Variants in MDN1 observed in about 807,000 individuals in gnomAD.
MDN1 encodes midasin.
A neutral mutation model predicts 669.2 loss-of-function variants in MDN1; 266 were observed. The observed-to-expected ratio is 0.40, with a 90% CI of 0.36 to 0.44. MDN1 has a LOEUF of 0.44. MDN1 is among the 20% of genes least tolerant of loss of function. The pLI is 1.00. For missense variants in MDN1, 5,940 were observed against 6,754.0 expected, an observed-to-expected ratio of 0.88 and a Z score of 4.22; for synonymous variants, 2,385 against 2,457.1, an observed-to-expected ratio of 0.97 and a Z score of 0.87.
chr6:89,704,132 GCA>G (rs1475760553), intron 53 of MDN1, among the ~76,000 whole-genome samples: 2 of 152,006 alleles, frequency 1.3e-5, no homozygotes, highest in Non-Finnish European at 2.9e-5. Context: ...TGTAATCCCA[GCA>G]TTTACGGAGG....
At chr6:89,671,212 T>C (rs1366149183) in intron 82 of MDN1, 132 bp from the exon 83 acceptor site, 5 of 936,290 alleles carry the variant, frequency 5.3e-6, no homozygotes, top group African/African-American at 1.7e-5. Flanking sequence ...GCAAGTTACA[T>C]GTATGTGTTT....
chr6:89,647,110 G>C (rs1174652484), intron 99 of MDN1, among the ~76,000 whole-genome samples: 1 of 152,150 alleles, frequency 6.6e-6, no homozygotes, highest in Non-Finnish European at 1.5e-5. Context: ...TCAAGCACAG[G>C]TGAGACGTTT....
chr6:89,732,428 C>A, intron 34 of MDN1, 129 bp downstream of exon 34: 1 of 760,482 alleles, frequency 1.3e-6, no homozygotes, highest in Non-Finnish European at 2.1e-6. Flanking sequence ...AAAGGAAAGC[C>A]ATTCTGAGTT....
intron 12 of MDN1, among the ~76,000 whole-genome samples, chr6:89,776,396 G>A (rs1358650097): frequency 2.6e-5 from 4 of 152,202 alleles, no homozygotes; most frequent in Non-Finnish European, 4.4e-5. Flanking sequence ...AGGAGGCAGA[G>A]GTTGTGGTGA....
At chr6:89,783,278 G>C (rs72919922) in intron 9 of MDN1, among the ~76,000 whole-genome samples, 1 of 151,628 alleles carries the variant, frequency 6.6e-6, no homozygotes, top group Admixed American at 6.6e-5. Context: ...ATGCATTCCC[G>C]GGGGGGAGGT....
chr6:89,747,525 T>A (rs979479815), intron 26 of MDN1, 55 bp from the exon 27 acceptor site: 1 of 1,531,050 alleles, frequency 6.5e-7, no homozygotes, highest in Non-Finnish European at 8.9e-7. Context: ...GCATGGTAAG[T>A]TTTTAGTACA....
In MDN1 at chr6:89,751,564, C is replaced by G; in HGVS notation, c.3094G>C (p.Gly1032Arg). 3 of 1,614,064 alleles carry G rather than the reference C, an allele frequency of 1.9e-6. No individual in the cohort carries two copies. Among genetic ancestry groups the G allele is most frequent in the Non-Finnish European group, 2.5e-6 (3 of 1,180,006 alleles). The stretch of plus-strand genomic sequence containing the variant: ...CCTTCAACCTGGATAAGCCGACCTC[C>G]TTTTGGCTCTGGAATAGGCTGAAAG... ...LLKQPIPEPK[G>R]GRLIQVEGYW... Residue 1032 changes from glycine (G) to arginine (R), a missense_variant, in exon 23 of 102, where the codon GGA becomes CGA. By Grantham distance (125) the Gly-to-Arg change is moderately radical. Transcript: ENST00000369393.
intron 19 of MDN1, among the ~76,000 whole-genome samples, chr6:89,757,990 G>A (rs1478471489): frequency 6.6e-6 from 1 of 152,142 alleles, no homozygotes; most frequent in Non-Finnish European, 1.5e-5. Flanking sequence ...GGAGGTTGTG[G>A]TGAGCCAAAA....
In MDN1 at chr6:89,653,512, G is replaced by A. The variant is rs75171662; in HGVS notation, c.15662-357C>T. Among the ~76,000 whole-genome samples, 4 of 152,342 alleles carry A rather than the reference G, an allele frequency of 2.6e-5. No homozygotes were observed. The East Asian group carries it at 7.7e-4, about 29-fold the overall frequency. On this transcript the variant is annotated intron_variant, in intron 93 of 101. Transcript: ENST00000369393. ...AAAGCCACAATTCCATTTTACAGAA[G>A]AGGAAACAGGCAAAGAAAAGATCAA...
At chr6:89,793,504 G>C (rs1819391183) in intron 5 of MDN1, among the ~76,000 whole-genome samples, 1 of 152,182 alleles carries the variant, frequency 6.6e-6, no homozygotes, top group African/African-American at 2.4e-5. Flanking sequence ...CTTGAGTCCA[G>C]GAGTTCCAGA....
In MDN1 at chr6:89,695,901, T is replaced by G; in HGVS notation, c.9475A>C (p.Met3159Leu). The G allele has an allele frequency of 6.2e-7, 1 of 1,613,178 alleles. No individual in the cohort carries two copies. Among genetic ancestry groups the G allele is most frequent in the South Asian group, 1.1e-5 (1 of 91,068 alleles). Residue 3159 changes from methionine (M) to leucine (L), a missense_variant, in exon 61 of 102, where the codon ATG becomes CTG. Transcript: ENST00000369393. The surrounding 1 kb of genome is among the most constrained non-coding windows in gnomAD (Gnocchi z 4.1). ...AGCAGCAGCTGCTCACAGTTCTGCA[T>G]GTACTCCTGCCGCCGGGACTCTGGG... ...LLPESRRQEY[M>L]QNCEQLLLGS...
chr6:89,751,687 G>A, intron 22 of MDN1, 105 bp from the exon 23 acceptor site: 3 of 1,181,266 alleles, frequency 2.5e-6, no homozygotes, highest in East Asian at 4.9e-5. Context: ...GTCTTGTTCT[G>A]CATACTTTCA....
At chr6:89,712,334 T>C in intron 48 of MDN1, 78 bp from the exon 49 acceptor site, 2 of 1,327,172 alleles carry the variant, frequency 1.5e-6, no homozygotes, top group South Asian at 2.7e-5. Context: ...AGAAAACCTC[T>C]TTCACAAATA....
rs1808299505 is a variant in MDN1 at position 89,643,651 on chromosome 6, T to A, written c.*354A>T. On this transcript the variant is annotated 3_prime_UTR_variant, in exon 102 of 102. Coordinates refer to ENST00000369393, the MANE Select transcript of MDN1 (RefSeq NM_014611.3). ...AAGGACTGTCAGAGTCCCATGCTCC[T>A]GGCAGCATCTCCTCAAGGCACAGGT... 1 of 188,544 alleles carries A rather than the reference T, an allele frequency of 5.3e-6. No individual in the cohort carries two copies. The highest frequency in any genetic ancestry group is 2.4e-5 in the African/African-American group (1 of 42,402). The allele number at this position is 188,544 out of a possible 1,614,324, so 11.7% of individuals were successfully genotyped here.
intron 2 of MDN1, among the ~76,000 whole-genome samples, chr6:89,801,680 A>G (rs1767675198): frequency 6.6e-6 from 1 of 151,800 alleles, no homozygotes; most frequent in Admixed American, 6.6e-5. Context: ...CACAACACAA[A>G]AATTAGTGGA....
In MDN1 at chr6:89,761,698, C is replaced by A. The variant is rs904102182; in HGVS notation, c.2407G>T (p.Ala803Ser). The change falls in exon 17 of 102, where the codon GCC becomes TCC. Residue 803 changes from alanine (A) to serine (S), a missense_variant. By Grantham distance (99) the Ala-to-Ser change is moderately conservative. Transcript: ENST00000369393. ...TCAGTCATTTTCATCTGTTGTTGGG[C>A]ATGGTTGAGTCTAAGACCAAATGCT... is the stretch of plus-strand genomic sequence containing the variant. ...WEAFGLRLNH[A>S]QQQMKMTENT... 3.7e-6 allele frequency: 6 copies of A among 1,612,722 alleles called. No homozygotes were observed. Among genetic ancestry groups the A allele is most frequent in the Non-Finnish European group, 5.1e-6 (6 of 1,179,378 alleles).
rs1198941985 is a variant in MDN1 at position 89,668,127 on chromosome 6, T to G, written c.13981A>C (p.Met4661Leu). 6.2e-7 allele frequency: 1 copy of G among 1,614,126 alleles called. No homozygotes were observed. Among genetic ancestry groups the G allele is most frequent in the Non-Finnish European group, 8.5e-7 (1 of 1,180,008 alleles). ...QKGFCLPKEF[M>L]EDSAGEGATE... ...GCTCCCTCTCCAGCTGAATCTTCCATAAATTCTTTGGGCAAGCAAAATCCC... is the reference window on the plus strand; with the variant it reads ...GCTCCCTCTCCAGCTGAATCTTCCAGAAATTCTTTGGGCAAGCAAAATCCC... The change falls in exon 84 of 102, where the codon ATG becomes CTG. Residue 4661 changes from methionine (M) to leucine (L), a missense_variant. Around this residue, in one of 5 missense-constraint regions of MDN1, gnomAD observed 2,280 missense variants for 2,576.3 expected, o/e 0.88. Coordinates refer to ENST00000369393, the MANE Select transcript of MDN1 (RefSeq NM_014611.3).
chr6:89,771,542 A>C lies in MDN1; in HGVS notation c.2144+19T>G. On this transcript the variant is annotated intron_variant, in intron 15 of 101. Transcript: ENST00000369393. ...GCAATAAACACAAAAATAAGAAAAA[A>C]ATTTTAAGCCACACTTACCCTCCAA... 6.2e-7 allele frequency: 1 copy of C among 1,603,420 alleles called. No individual in the cohort carries two copies. The highest frequency in any genetic ancestry group is 8.5e-7 in the Non-Finnish European group (1 of 1,173,564).
chr6:89,658,272 G>A lies in MDN1; in HGVS notation c.15120C>T (p.Asn5040=), dbSNP rs1304338326. ...GCTCCATGGCCTGTGTGTTCTGCATGTTCTCCACACCAGTCTGCCCACAGG... is the reference window on the plus strand; with the variant it reads ...GCTCCATGGCCTGTGTGTTCTGCATATTCTCCACACCAGTCTGCCCACAGG... ...HASCGQTGVE[N]MQNTQAMELA... The change falls in exon 90 of 102, where the codon AAC becomes AAT. Residue 5040 remains asparagine, a synonymous_variant. Transcript: ENST00000369393. 1 of 1,614,068 alleles carries A rather than the reference G, an allele frequency of 6.2e-7. No homozygotes were observed. The highest frequency in any genetic ancestry group is 8.5e-7 in the Non-Finnish European group (1 of 1,180,048).
Sources: allele counts gnomAD v4.1 joint callset (sites outside exome capture counted in the v4.1 genomes callset), GRCh38; gene constraint gnomAD v4.1.1; regional missense constraint gnomAD v4.1.1; non-coding constraint Gnocchi (gnomAD v3.1); transcripts MANE v1.5; gene names NCBI Gene and HGNC (gene_info 2026-07-23, HGNC 2026-07-21).